The following SF3A1 variants were observed in gnomAD, a reference collection of about 807,000 sequenced individuals.
SF3A1 encodes splicing factor 3a subunit 1, also known as SAP 114.
SF3A1 carries 13 observed loss-of-function variants against 89.9 expected under a neutral mutation model. The ratio of observed to expected loss-of-function variants is 0.14; its 90% CI spans 0.09 to 0.23. The LOEUF is 0.23. SF3A1 is among the 10% of genes least tolerant of loss of function. SF3A1 has a pLI of 1.00. For synonymous variants in SF3A1, 405 were observed against 374.4 expected (o/e 1.08, Z -0.94); for missense variants, 604 against 1,022.1 (o/e 0.59, Z 5.58).
intron 2 of SF3A1, among the ~76,000 whole-genome samples, chr22:30,350,417 G>C: frequency 6.6e-6 from 1 of 152,126 alleles, no homozygotes; most frequent in Middle Eastern, 3.2e-3. Context: ...AGGAGTTCAA[G>C]GCTGCAGTGA....
chr22:30,349,658 TTTTC>T lies in SF3A1; in HGVS notation c.186-3143_186-3140del, dbSNP rs1276301348. ...TAGGGATGTGCATGGTTTTGGATTTTTTTCTTTCTTTTTTTTTTTTTTTTTGAGA... is the reference window on the plus strand; with the variant it reads ...TAGGGATGTGCATGGTTTTGGATTTTTTTCTTTTTTTTTTTTTTTTTGAGA... On this transcript the variant is annotated intron_variant, in intron 2 of 15. Coordinates refer to ENST00000215793, the MANE Select transcript of SF3A1 (RefSeq NM_005877.6). 1.4e-3 allele frequency among the ~76,000 whole-genome samples: 199 copies of T among 146,752 alleles called. 2 individuals are homozygous for T. The highest frequency in any genetic ancestry group is 4.3e-3 in the African/African-American group (172 of 39,846).
chr22:30,335,500 G>A lies in SF3A1; in HGVS notation c.2247C>T (p.Gly749=). The A allele has an allele frequency of 6.2e-7, 1 of 1,614,200 alleles. No individual in the cohort carries two copies. Among genetic ancestry groups the A allele is most frequent in the Non-Finnish European group, 8.5e-7 (1 of 1,180,020 alleles). ...VIKVKIHEAT[G]MPAGKQKLQY... The stretch of plus-strand genomic sequence containing the variant: ...GTAGCTTCTGTTTCCCTGCAGGCAT[G>A]CCTGTGGCTTCATGAATCTTCACCT... Residue 749 remains glycine, a synonymous_variant, in exon 15 of 16, where the codon GGC becomes GGT. Transcript: ENST00000215793.
chr22:30,352,845 A>G (rs1333061843), intron 2 of SF3A1, 106 bp downstream of exon 2: 2 of 1,423,642 alleles, frequency 1.4e-6, no homozygotes, highest in Non-Finnish European at 9.5e-7. Context: ...TTATGAACTA[A>G]AAGGCCCAAG....
rs1569168931 is a variant in SF3A1, at chr22:30,334,568, G to A, written c.*26C>T. 3 of 1,479,356 alleles carry A rather than the reference G, an allele frequency of 2.0e-6. No individual in the cohort carries two copies. The highest frequency in any genetic ancestry group is 2.3e-5 in the Admixed American group (1 of 42,910). 91.6% of individuals were successfully genotyped at this position (1,479,356 alleles called of 1,614,324 possible). On this transcript the variant is annotated 3_prime_UTR_variant, in exon 16 of 16. Coordinates refer to ENST00000215793, the MANE Select transcript of SF3A1 (RefSeq NM_005877.6). The stretch of plus-strand genomic sequence containing the variant: ...GGGAGACAGGAGAGGCAAAATGGCA[G>A]GGACTTGACAGCAGGTTCCTCTTGT...
intron 5 of SF3A1, 140 bp from the exon 6 acceptor site, chr22:30,342,490 A>G: frequency 1.1e-6 from 1 of 917,258 alleles, no homozygotes. Flanking sequence ...TGGCATTTGC[A>G]CCTGGTTCCA....
At chr22:30,336,054 G>A (rs966673071) in intron 13 of SF3A1, among the ~76,000 whole-genome samples, 6 of 152,174 alleles carry the variant, frequency 3.9e-5, no homozygotes, top group Admixed American at 6.5e-5. Context: ...CTGCAGGGTC[G>A]GAAGACCTGG....
In SF3A1 at chr22:30,341,782, G is replaced by T. The variant is rs34244534; in HGVS notation, c.981C>A (p.Val327=). 90,082 of 1,613,940 alleles carry T rather than the reference G, an allele frequency of 0.056. 3,003 individuals carry two copies. Among genetic ancestry groups the T allele is most frequent in the Non-Finnish European group, 0.067 (78,846 of 1,179,924 alleles). ...GTTTGTCATCCTCCTCATCAGACTCGACCTCCATCTCAACTTCCTCACTCT... is the reference window on the plus strand; with the variant it reads ...GTTTGTCATCCTCCTCATCAGACTCTACCTCCATCTCAACTTCCTCACTCT... ...FGESEEVEME[V]ESDEEDDKQE... The change falls in exon 7 of 16, where the codon GTC becomes GTA. Residue 327 remains valine, a synonymous_variant. Transcript: ENST00000215793.
At chr22:30,355,818 C>CCCCG (rs1569177450) in intron 1 of SF3A1, among the ~76,000 whole-genome samples, 1 of 105,798 alleles carries the variant, frequency 9.5e-6, no homozygotes, top group African/African-American at 3.6e-5. Flanking sequence ...GTCATGTTCC[C>CCCCG]CCCCCCCGCC....
At chr22:30,340,402 C>T (rs745378760) in intron 8 of SF3A1, 21 bp from the exon 9 acceptor site, 11 of 1,609,490 alleles carry the variant, frequency 6.8e-6, no homozygotes, top group Admixed American at 5.1e-5. Flanking sequence ...ACAGATGTTT[C>T]AGTAAGAACA....
Position 30,332,460 on chromosome 22 carries a change from G to A in SF3A1, c.*2134C>T, listed in dbSNP as rs1930946687. 6.6e-6 allele frequency: 1 copy of A among 152,224 alleles called. No homozygotes were observed. The highest frequency in any genetic ancestry group is 1.5e-5 in the Non-Finnish European group (1 of 68,044). 9.4% of individuals were successfully genotyped at this position (152,224 alleles called of 1,614,324 possible). On this transcript the variant is annotated 3_prime_UTR_variant, in exon 16 of 16. Transcript: ENST00000215793. ...GCAGAGCAGTGTGGTCCCCAGGAAG[G>A]GATGAGCTGCTTTGGCTTTCCAGAG...
intron 12 of SF3A1, among the ~76,000 whole-genome samples, chr22:30,337,396 T>C (rs540276795): frequency 6.6e-6 from 1 of 152,282 alleles, no homozygotes; most frequent in African/African-American, 2.4e-5. Context: ...GGGGCAGGAC[T>C]GATGGATGGA....
chr22:30,337,718 G>C lies in SF3A1; in HGVS notation c.1923C>G (p.Pro641=). 1 of 492,380 alleles carries C rather than the reference G, an allele frequency of 2.0e-6. No individual in the cohort carries two copies. 30.5% of individuals were successfully genotyped at this position (492,380 alleles called of 1,614,324 possible). ...TTGGCACAATCATGGGGGGTGGGCG[G>C]GGGGCCATAATAGGAGGGGCCGAGG... The part of the protein sequence containing the change: ...MPPSAPPIMA[P]RPPPMIVPTA... Residue 641 remains proline, a synonymous_variant, in exon 12 of 16, where the codon CCC becomes CCG. Transcript: ENST00000215793.
At chr22:30,344,500 CT>C (rs1569172755) in intron 4 of SF3A1, among the ~76,000 whole-genome samples, 1 of 152,188 alleles carries the variant, frequency 6.6e-6, no homozygotes, top group Non-Finnish European at 1.5e-5. Flanking sequence ...GTGACTTCAC[CT>C]TTCTGAGCCT....
At chr22:30,352,354 G>A (rs980427436) in intron 2 of SF3A1, among the ~76,000 whole-genome samples, 1 of 151,928 alleles carries the variant, frequency 6.6e-6, no homozygotes, top group Middle Eastern at 3.4e-3. Flanking sequence ...GAACTGTGGG[G>A]AGAGACAGGA....
intron 2 of SF3A1, among the ~76,000 whole-genome samples, chr22:30,348,459 C>T (rs1931485814): frequency 6.6e-6 from 1 of 152,178 alleles, no homozygotes; most frequent in Non-Finnish European, 1.5e-5. Flanking sequence ...GCCTGGGCAA[C>T]AAAATGAAAT....
chr22:30,356,826 G>GT lies in SF3A1; in HGVS notation c.-35dup, dbSNP rs1334990837. 5 of 1,318,434 alleles carry GT rather than the reference G, an allele frequency of 3.8e-6. No individual in the cohort carries two copies. In the South Asian group the frequency reaches 9.8e-5, roughly 26 times the overall value. 81.7% of individuals were successfully genotyped at this position (1,318,434 alleles called of 1,614,324 possible). On this transcript the variant is annotated 5_prime_UTR_variant, in exon 1 of 16. Coordinates refer to ENST00000215793, the MANE Select transcript of SF3A1 (RefSeq NM_005877.6). ...CGCTCAGGGCTGCCAGTCCGCCTCG[G>GT]TGTCGGTGAGCGGTGCCGCCTCAAG... is the stretch of plus-strand genomic sequence containing the variant.
Position 30,334,210 on chromosome 22 carries a change from A to T in SF3A1, c.*384T>A, listed in dbSNP as rs569436772. The T allele has an allele frequency of 5.9e-6, 1 of 170,842 alleles. No homozygotes were observed. The highest frequency in any genetic ancestry group is 2.4e-5 in the African/African-American group (1 of 41,632). 10.6% of individuals were successfully genotyped at this position (170,842 alleles called of 1,614,324 possible). A position where few individuals can be genotyped will look rare whatever the true frequency, so the allele number is the denominator to read the frequency against. On this transcript the variant is annotated 3_prime_UTR_variant, in exon 16 of 16. Coordinates refer to ENST00000215793, the MANE Select transcript of SF3A1 (RefSeq NM_005877.6). ...AGAAGGGTCCGAGTTTTATTAGACAACCCATGTCAAGGTACAAAATGATTA... is the reference window on the plus strand; with the variant it reads ...AGAAGGGTCCGAGTTTTATTAGACATCCCATGTCAAGGTACAAAATGATTA...
chr22:30,338,114 G>A (rs750888541), intron 11 of SF3A1, among the ~76,000 whole-genome samples: 8 of 152,066 alleles, frequency 5.3e-5, no homozygotes, highest in South Asian at 2.1e-4. Context: ...GGGACTTGGC[G>A]GGTCAAACTC....
intron 2 of SF3A1, among the ~76,000 whole-genome samples, chr22:30,349,293 A>C (rs1162623435): frequency 1.3e-5 from 2 of 152,070 alleles, no homozygotes; most frequent in Non-Finnish European, 2.9e-5. Flanking sequence ...TTATTTATTT[A>C]CTTTTGAGGC....
Sources: allele counts gnomAD v4.1 joint callset (sites outside exome capture counted in the v4.1 genomes callset), GRCh38; gene constraint gnomAD v4.1.1; transcripts MANE v1.5; gene names NCBI Gene and HGNC (gene_info 2026-07-23, HGNC 2026-07-21).